The following CUL1 variants were observed in gnomAD, a reference collection of about 807,000 sequenced individuals.
CUL1 encodes cullin-1.
In CUL1, 24 loss-of-function variants were observed where a neutral mutation model predicts 118.0. That is an observed-to-expected ratio of 0.20 (90% CI 0.15 to 0.29). The LOEUF is 0.29. CUL1 is among the 10% of genes least tolerant of loss of function. CUL1 has a pLI of 1.00. For synonymous variants in CUL1, 332 were observed against 340.4 expected, an observed-to-expected ratio of 0.98 and a Z score of 0.27; for missense variants, 361 against 933.8, an observed-to-expected ratio of 0.39 and a Z score of 7.99.
chr7:148,699,484 C>T (rs1356478425), intron 1 of CUL1, among the ~76,000 whole-genome samples: 5 of 152,150 alleles, frequency 3.3e-5, no homozygotes, highest in Admixed American at 2.6e-4. Flanking sequence ...GCCCTTGCCC[C>T]CTCGCGCCCA....
At chr7:148,743,366 G>A (rs73158220) in intron 2 of CUL1, among the ~76,000 whole-genome samples, 3,991 of 152,244 alleles carry the variant, frequency 0.026, 109 homozygotes, top group Non-Finnish European at 0.035. Flanking sequence ...ATCTGCCATG[G>A]TGGGAACCTT....
rs1202362080 is a variant in CUL1 at position 148,801,090 on chromosome 7, T to C, written c.*508T>C. 1 of 152,774 alleles carries C rather than the reference T, an allele frequency of 6.5e-6. No individual in the cohort carries two copies. The highest frequency in any genetic ancestry group is 2.4e-5 in the African/African-American group (1 of 41,464). 9.5% of individuals were successfully genotyped at this position (152,774 alleles called of 1,614,324 possible). A position where few individuals can be genotyped will look rare whatever the true frequency, so the allele number is the denominator to read the frequency against. ...CTAATTTCTATATGTAAATAAAAGA[T>C]ATAATGATTGTGCAAATTTATATTC... On this transcript the variant is annotated 3_prime_UTR_variant, in exon 22 of 22. Coordinates refer to ENST00000325222, the MANE Select transcript of CUL1 (RefSeq NM_003592.3).
At chr7:148,703,520 GTTTTT>G (rs1211496339) in intron 1 of CUL1, among the ~76,000 whole-genome samples, 1 of 149,532 alleles carries the variant, frequency 6.7e-6, no homozygotes, top group Admixed American at 6.8e-5. Flanking sequence ...ACTAGTGAAG[GTTTTT>G]TTGTTTTTTG....
At chr7:148,786,670 A>T (rs1195771675) in intron 12 of CUL1, 71 bp downstream of exon 12, 42 of 1,211,942 alleles carry the variant, frequency 3.5e-5, no homozygotes, top group Non-Finnish European at 4.9e-5. Context: ...TGTTATTTGT[A>T]GATGGCCTCT....
chr7:148,699,433 C>G (rs1287472638), intron 1 of CUL1, among the ~76,000 whole-genome samples: 1 of 152,116 alleles, frequency 6.6e-6, no homozygotes, highest in East Asian at 1.9e-4. Context: ...GCGTCCGCGC[C>G]TCGCCTGGTG....
At chr7:148,732,063 A>C (rs1798780811) in intron 2 of CUL1, among the ~76,000 whole-genome samples, 1 of 152,164 alleles carries the variant, frequency 6.6e-6, no homozygotes, top group Non-Finnish European at 1.5e-5. Context: ...TATGATGGGT[A>C]GGTTGCTTTT....
At chr7:148,764,475 C>T (rs1799939477) in intron 7 of CUL1, among the ~76,000 whole-genome samples, 1 of 152,202 alleles carries the variant, frequency 6.6e-6, no homozygotes, top group Admixed American at 6.5e-5. Flanking sequence ...GCCCCCTCAG[C>T]CCCTGCAGGA....
intron 2 of CUL1, among the ~76,000 whole-genome samples, chr7:148,742,846 C>T (rs977519397): frequency 6.6e-6 from 1 of 152,024 alleles, no homozygotes; most frequent in Non-Finnish European, 1.5e-5. Context: ...TCAAGTGATC[C>T]ACCTCCCTCA....
At chr7:148,722,550 A>G (rs1172772269) in intron 1 of CUL1, among the ~76,000 whole-genome samples, 4 of 151,996 alleles carry the variant, frequency 2.6e-5, no homozygotes, top group African/African-American at 7.3e-5. Context: ...CCTCCTCCTC[A>G]TGCGGGTTGA....
At chr7:148,794,411 A>T (rs541557917) in intron 17 of CUL1, among the ~76,000 whole-genome samples, 1 of 152,158 alleles carries the variant, frequency 6.6e-6, no homozygotes, top group East Asian at 1.9e-4. Context: ...TGGATTCTCA[A>T]TTATTTTCCA....
chr7:148,706,462 C>T (rs1025806275), intron 1 of CUL1, among the ~76,000 whole-genome samples: 1 of 152,090 alleles, frequency 6.6e-6, no homozygotes, highest in African/African-American at 2.4e-5. Context: ...GTAGAGACTA[C>T]TGAAATGAGA....
At chr7:148,698,601 C>G (rs1166450357), upstream of CUL1, 7 of 151,796 alleles carry the variant, frequency 4.6e-5, no homozygotes, top group Admixed American at 4.6e-4. Context: ...CCGGGGCCGC[C>G]GGCAGCGGCG....
At chr7:148,784,669 CACA>C (rs1334705393) in intron 11 of CUL1, among the ~76,000 whole-genome samples, 32 of 152,114 alleles carry the variant, frequency 2.1e-4, no homozygotes, top group African/African-American at 7.7e-4. Context: ...TTTCAGATAT[CACA>C]ACAATAAGTT....
chr7:148,793,861 C>T (rs985576735), intron 17 of CUL1, among the ~76,000 whole-genome samples: 1 of 152,134 alleles, frequency 6.6e-6, no homozygotes, highest in African/African-American at 2.4e-5. Flanking sequence ...ATATTCTCAC[C>T]AACAGTGTAT....
intron 1 of CUL1, among the ~76,000 whole-genome samples, chr7:148,715,017 T>C (rs1312893908): frequency 6.6e-6 from 1 of 152,198 alleles, no homozygotes; most frequent in African/African-American, 2.4e-5. Flanking sequence ...TCCCAAGTTG[T>C]ATCTTATTTT....
At chr7:148,736,587 ACCACACAAGCCTGG>A (rs1185266606) in intron 2 of CUL1, among the ~76,000 whole-genome samples, 5 of 152,174 alleles carry the variant, frequency 3.3e-5, no homozygotes, top group African/African-American at 1.2e-4. Flanking sequence ...ATAGGCATGA[ACCACACAAGCCTGG>A]CCTTTCTAGA....
chr7:148,743,630 G>A (rs1395847576), intron 2 of CUL1, among the ~76,000 whole-genome samples: 1 of 152,182 alleles, frequency 6.6e-6, no homozygotes, highest in African/African-American at 2.4e-5. Context: ...TAAGCCAGGT[G>A]TGGTGGCTCA....
intron 17 of CUL1, 105 bp from the exon 18 acceptor site, chr7:148,797,702 ATTTTT>A (rs10559092): frequency 1.2e-4 from 77 of 663,894 alleles, no homozygotes; most frequent in South Asian, 2.7e-4. Context: ...CTTTTGGGTG[ATTTTT>A]TTTTTTTTTT....
Position 148,744,746 on chromosome 7 carries a change from T to C in CUL1, c.141-9230T>C, listed in dbSNP as rs555150992. On this transcript the variant is annotated intron_variant, in intron 2 of 21. Coordinates refer to ENST00000325222, the MANE Select transcript of CUL1 (RefSeq NM_003592.3). The stretch of plus-strand genomic sequence containing the variant: ...TCCTTCCTAAAGATGCAGGATTCTA[T>C]TGTAGTGTCAGTTTGCTTCCACCCA... 1.6e-4 allele frequency among the ~76,000 whole-genome samples: 24 copies of C among 152,362 alleles called. No individual in the cohort carries two copies. In the South Asian group the frequency reaches 5.0e-3, roughly 32 times the overall value.
Sources: gnomAD v4.1 joint callset for allele counts (sites outside exome capture counted in the v4.1 genomes callset) on GRCh38, gnomAD v4.1.1 for gene constraint, MANE v1.5 for transcripts, NCBI Gene and HGNC (gene_info 2026-07-23, HGNC 2026-07-21) for gene names.